PDSS2: variants seen among roughly 807,000 people sequenced by gnomAD.
The protein encoded by PDSS2 is decaprenyl diphosphate synthase subunit 2.
A neutral mutation model predicts 44.5 loss-of-function variants in PDSS2; 31 were observed. That is an observed-to-expected ratio of 0.70 (90% CI 0.52 to 0.94). PDSS2 has a LOEUF of 0.94. Ranked by LOEUF, PDSS2 falls within the 40% of genes least tolerant of loss-of-function variation. The probability of loss-of-function intolerance (pLI) is 0.00; values close to 1 mark genes in which losing one functional copy is unlikely to be tolerated. For missense variants in PDSS2, 452 were observed against 482.2 expected (o/e 0.94, Z 0.59); for synonymous variants, 157 against 180.3 (o/e 0.87, Z 1.03).
intron 6 of PDSS2, among the ~76,000 whole-genome samples, chr6:107,207,088 G>A (rs1374818639): frequency 6.6e-6 from 1 of 151,750 alleles, no homozygotes; most frequent in Non-Finnish European, 1.5e-5. Flanking sequence ...CGCTTCCTGG[G>A]TTCAAGTGAT....
intron 7 of PDSS2, among the ~76,000 whole-genome samples, chr6:107,191,113 G>GATCTCCT (rs1562364096): frequency 6.6e-6 from 1 of 152,048 alleles, no homozygotes; most frequent in African/African-American, 2.4e-5. Flanking sequence ...GGATGGTCTC[G>GATCTCCT]ATCTCCTGAC....
chr6:107,177,815 A>T (rs550884509), intron 7 of PDSS2, among the ~76,000 whole-genome samples: 9 of 152,186 alleles, frequency 5.9e-5, no homozygotes, highest in African/African-American at 1.9e-4. Context: ...TTTAGGAGTG[A>T]ATCAATAAAT....
At chr6:107,396,117 C>T (rs1273091030) in intron 1 of PDSS2, among the ~76,000 whole-genome samples, 1 of 152,168 alleles carries the variant, frequency 6.6e-6, no homozygotes, top group African/African-American at 2.4e-5. Context: ...TTGTTCAGCT[C>T]CTCAATAACT....
In PDSS2 at chr6:107,210,496, A is replaced by G. The variant is rs759441036; in HGVS notation, c.951T>C (p.Pro317=). The G allele has an allele frequency of 1.2e-6, 2 of 1,606,624 alleles. No homozygotes were observed. Among genetic ancestry groups the G allele is most frequent in the South Asian group, 2.2e-5 (2 of 90,922 alleles). Reference sequence around the variant, plus strand: ...CAAGAAATTCCTGATGTAAGACTACAGGAGCTGAGTTTAGATTAAAAGTCA... The same window carrying G: ...CAAGAAATTCCTGATGTAAGACTACGGGAGCTGAGTTTAGATTAAAAGTCA... ...DSMTFNLNSA[P]VVLHQEFLGR... Residue 317 remains proline, a synonymous_variant, in exon 6 of 8, where the codon CCT becomes CCC. Coordinates refer to ENST00000369037, the MANE Select transcript of PDSS2 (RefSeq NM_020381.4).
intron 1 of PDSS2, among the ~76,000 whole-genome samples, chr6:107,352,096 A>T (rs1778450669): frequency 6.6e-6 from 1 of 152,200 alleles, no homozygotes; most frequent in African/African-American, 2.4e-5. Flanking sequence ...ATCATAAGAA[A>T]ATTTCCCAAG....
chr6:107,185,660 ATTCGT>A (rs1460616507), intron 7 of PDSS2, among the ~76,000 whole-genome samples: 1 of 152,188 alleles, frequency 6.6e-6, no homozygotes, highest in Admixed American at 6.6e-5. Context: ...TAGTCAACAT[ATTCGT>A]TTTCTTTTAG....
chr6:107,246,208 A>C (rs1234236630), intron 3 of PDSS2, among the ~76,000 whole-genome samples: 1 of 148,802 alleles, frequency 6.7e-6, no homozygotes, highest in Non-Finnish European at 1.5e-5. Context: ...ATTATTTTTC[A>C]AGGCTGAGAC....
At position 107,459,163 on chromosome 6, in the gene PDSS2, C is replaced by G; in HGVS notation, c.123G>C (p.Arg41=). 1 of 1,614,092 alleles carries G rather than the reference C, an allele frequency of 6.2e-7. No individual in the cohort carries two copies. The highest frequency in any genetic ancestry group is 8.5e-7 in the Non-Finnish European group (1 of 1,180,030). ...TCCAGTGGGCCGGGGACTTGGAGGA[C>G]CGACCACGCCAAGAGCCCACCGAGG... ...TISSVGSWRG[R]SSKSPAHWNQ... The change falls in exon 1 of 8, where the codon CGG becomes CGC. Residue 41 remains arginine, a synonymous_variant. Coordinates refer to ENST00000369037, the MANE Select transcript of PDSS2 (RefSeq NM_020381.4). The surrounding 1 kb of genome is among the most constrained non-coding windows in gnomAD (Gnocchi z 4.3).
chr6:107,399,711 A>C (rs906454907), intron 1 of PDSS2, among the ~76,000 whole-genome samples: 1 of 152,212 alleles, frequency 6.6e-6, no homozygotes, highest in Admixed American at 6.5e-5. Flanking sequence ...AAAAATGATA[A>C]TAGATAATAG....
chr6:107,274,204 G>A lies in PDSS2; in HGVS notation c.455C>T (p.Thr152Met), dbSNP rs138673517. Reference sequence around the variant, plus strand: ...AAGGAGAGCAATATGAATTAGCTCCGTGATCTCTGCCAAACTTCTTTGACT... The same window carrying A: ...AAGGAGAGCAATATGAATTAGCTCCATGATCTCTGCCAAACTTCTTTGACT... ...YSCQRSLAEI[T>M]ELIHIALLVH... Residue 152 changes from threonine to methionine, a missense_variant, in exon 3 of 8, where the codon ACG becomes ATG. Transcript: ENST00000369037. 64 of 1,613,466 alleles carry A rather than the reference G, an allele frequency of 4.0e-5. No individual in the cohort carries two copies. The highest frequency in any genetic ancestry group is 1.6e-4 in the South Asian group (15 of 91,078).
intron 1 of PDSS2, among the ~76,000 whole-genome samples, chr6:107,456,035 C>T (rs1782031691): frequency 6.6e-6 from 1 of 152,000 alleles, no homozygotes; most frequent in African/African-American, 2.4e-5. Context: ...TACAAGATGA[C>T]TGTGAGGCCC....
In PDSS2 at chr6:107,229,201, T is replaced by A. The variant is rs2066830803; in HGVS notation, c.702+16347A>T. On this transcript the variant is annotated intron_variant, in intron 4 of 7. Coordinates refer to ENST00000369037, the MANE Select transcript of PDSS2 (RefSeq NM_020381.4). ...TTCCTATTTCTGTTTGTTTTTAGTT[T>A]TTTGAGACGTTGTCTTCCTCTGTCG... 2.6e-5 allele frequency among the ~76,000 whole-genome samples: 4 copies of A among 152,206 alleles called. No individual in the cohort carries two copies. In the South Asian group the frequency reaches 8.3e-4, roughly 31 times the overall value.
chr6:107,245,071 T>C (rs560259766), intron 4 of PDSS2, among the ~76,000 whole-genome samples: 1 of 152,322 alleles, frequency 6.6e-6, no homozygotes, highest in Admixed American at 6.5e-5. Context: ...CCACTTCTTA[T>C]AATAAAGAAT....
chr6:107,199,559 C>G (rs538611438), intron 6 of PDSS2, among the ~76,000 whole-genome samples: 3 of 152,238 alleles, frequency 2.0e-5, no homozygotes, highest in Non-Finnish European at 4.4e-5. Context: ...CTTGGCCTCC[C>G]AAACTGCTGG....
chr6:107,202,850 C>T (rs192133583), intron 6 of PDSS2, among the ~76,000 whole-genome samples: 1 of 151,714 alleles, frequency 6.6e-6, no homozygotes, highest in East Asian at 1.9e-4. Flanking sequence ...CTATGGTGTC[C>T]AATTTTAGAA....
At chr6:107,405,302 C>T (rs1028339505) in intron 1 of PDSS2, among the ~76,000 whole-genome samples, 3 of 151,712 alleles carry the variant, frequency 2.0e-5, no homozygotes, top group Non-Finnish European at 4.4e-5. Context: ...AACATGGAAA[C>T]GAAAGGTGAT....
At chr6:107,405,061 C>A (rs1780267238) in intron 1 of PDSS2, among the ~76,000 whole-genome samples, 2 of 151,876 alleles carry the variant, frequency 1.3e-5, no homozygotes, top group African/African-American at 4.8e-5. Flanking sequence ...ATAAAGAAAA[C>A]CCCATCAGAG....
chr6:107,438,002 T>A (rs147241658), intron 1 of PDSS2, among the ~76,000 whole-genome samples: 1 of 152,210 alleles, frequency 6.6e-6, no homozygotes, highest in Non-Finnish European at 1.5e-5. Context: ...CAGAAAGCAA[T>A]GAGAGGCACC....
chr6:107,219,611 T>C (rs543027533), intron 4 of PDSS2, among the ~76,000 whole-genome samples: 30 of 152,306 alleles, frequency 2.0e-4, no homozygotes, highest in Non-Finnish European at 3.5e-4. Flanking sequence ...TTAAATCTAA[T>C]CCAGATATCA....
Sources: gnomAD v4.1 joint callset for allele counts (sites outside exome capture counted in the v4.1 genomes callset) on GRCh38, gnomAD v4.1.1 for gene constraint, Gnocchi (gnomAD v3.1) non-coding constraint, MANE v1.5 for transcripts, NCBI Gene and HGNC (gene_info 2026-07-23, HGNC 2026-07-21) for gene names.